The following CERT1 variants were observed in gnomAD, a reference collection of about 807,000 sequenced individuals.
CERT1 encodes the protein ceramide transporter 1, also known as ceramide transfer protein.
CERT1 carries 31 observed loss-of-function variants against 87.9 expected under a neutral mutation model. That is an observed-to-expected ratio of 0.35 (90% CI 0.27 to 0.48). The LOEUF (loss-of-function observed/expected upper bound fraction) is 0.48. Ranked by LOEUF, CERT1 falls within the 20% of genes least tolerant of loss-of-function variation. CERT1 has a pLI of 0.99. For missense variants in CERT1, 487 were observed against 758.0 expected, an observed-to-expected ratio of 0.64 and a Z score of 4.20; for synonymous variants, 289 against 250.9, an observed-to-expected ratio of 1.15 and a Z score of -1.44.
chr5:75,497,588 C>T (rs1767135424), intron 2 of CERT1, among the ~76,000 whole-genome samples: 2 of 151,894 alleles, frequency 1.3e-5, no homozygotes, highest in African/African-American at 2.4e-5. Flanking sequence ...ATCATGGGGG[C>T]GATGGTTTTA....
intron 3 of CERT1, among the ~76,000 whole-genome samples, chr5:75,445,972 G>C (rs544819205): frequency 6.6e-6 from 1 of 152,182 alleles, no homozygotes; most frequent in Non-Finnish European, 1.5e-5. Context: ...TCTTTTGAAA[G>C]TTGATTTTAT....
chr5:75,391,174 C>T (rs1159673362), intron 11 of CERT1, among the ~76,000 whole-genome samples: 1 of 152,136 alleles, frequency 6.6e-6, no homozygotes, highest in Non-Finnish European at 1.5e-5. Context: ...CCAGGCTGGT[C>T]TTGAACTCCT....
intron 3 of CERT1, among the ~76,000 whole-genome samples, chr5:75,447,826 C>T (rs1015916481): frequency 1.9e-4 from 29 of 151,850 alleles, no homozygotes; most frequent in Non-Finnish European, 4.0e-4. Context: ...CCCAGGCTAA[C>T]GTGCAATAAT....
At chr5:75,484,446 G>C (rs1766409083) in intron 2 of CERT1, among the ~76,000 whole-genome samples, 2 of 150,042 alleles carry the variant, frequency 1.3e-5, no homozygotes, top group Admixed American at 1.3e-4. Flanking sequence ...TCAAAAGACA[G>C]AGTGACTGAA....
chr5:75,390,968 AT>A lies in CERT1; in HGVS notation c.1189-1282del, dbSNP rs926547190. On this transcript the variant is annotated intron_variant, in intron 11 of 16. Coordinates refer to ENST00000643780, the MANE Select transcript of CERT1 (RefSeq NM_001379029.1). ...ATATGCCTGTGCCACCATGCCTAAC[AT>A]TTTTTTTTTTTTAAGAGACACGGTC... 2.0e-3 allele frequency among the ~76,000 whole-genome samples: 281 copies of A among 142,276 alleles called. No homozygotes were observed. In the East Asian group the frequency reaches 0.022, roughly 11 times the overall value. 93.3% of individuals were successfully genotyped at this position (142,276 alleles called of 152,430 possible).
intron 3 of CERT1, among the ~76,000 whole-genome samples, chr5:75,448,094 T>C (rs554088905): frequency 6.6e-6 from 1 of 152,338 alleles, no homozygotes; most frequent in Admixed American, 6.5e-5. Flanking sequence ...GTTGCTGTTC[T>C]TGAAAAAATA....
At chr5:75,399,718 TGAAA>T (rs143450406) in intron 10 of CERT1, among the ~76,000 whole-genome samples, 2,255 of 152,260 alleles carry the variant, frequency 0.015, 25 homozygotes, top group Non-Finnish European at 0.022. Context: ...TAAATAAAAA[TGAAA>T]GAACTTTATT....
At chr5:75,380,777 CAAAAAAAAAA>C (rs35083616) in intron 16 of CERT1, among the ~76,000 whole-genome samples, 1 of 53,380 alleles carries the variant, frequency 1.9e-5, no homozygotes, top group Non-Finnish European at 3.6e-5. Context: ...GACTCCATCT[CAAAAAAAAAA>C]AAAAAAAAAA....
chr5:75,441,525 T>C (rs1346466360), intron 3 of CERT1, among the ~76,000 whole-genome samples: 1 of 152,148 alleles, frequency 6.6e-6, no homozygotes, highest in Admixed American at 6.5e-5. Context: ...TCTCCAAAAC[T>C]TTTTCAGCTT....
At chr5:75,464,321 A>G (rs1765364835) in intron 2 of CERT1, among the ~76,000 whole-genome samples, 1 of 151,068 alleles carries the variant, frequency 6.6e-6, no homozygotes, top group African/African-American at 2.5e-5. Flanking sequence ...CTGAAACCCC[A>G]CATGCCCATC....
intron 12 of CERT1, among the ~76,000 whole-genome samples, chr5:75,388,254 T>C (rs1434421765): frequency 1.3e-5 from 2 of 152,174 alleles, no homozygotes; most frequent in African/African-American, 2.4e-5. Context: ...TTTTATCTTA[T>C]GTCTTACTTT....
chr5:75,467,523 C>T (rs1765510326), intron 2 of CERT1, among the ~76,000 whole-genome samples: 1 of 151,928 alleles, frequency 6.6e-6, no homozygotes, highest in Non-Finnish European at 1.5e-5. Flanking sequence ...TGCCTGTAGT[C>T]CCAGCTACTT....
At chr5:75,505,027 C>T (rs915246323) in intron 2 of CERT1, among the ~76,000 whole-genome samples, 12 of 152,176 alleles carry the variant, frequency 7.9e-5, no homozygotes, top group Non-Finnish European at 1.6e-4. Context: ...TGGCTCATGC[C>T]TGTAATCCCA....
intron 12 of CERT1, among the ~76,000 whole-genome samples, chr5:75,389,015 T>C (rs1761925623): frequency 6.6e-6 from 1 of 152,178 alleles, no homozygotes; most frequent in Non-Finnish European, 1.5e-5. Flanking sequence ...TTATTTAGCA[T>C]AGTTCCTTAG....
chr5:75,447,665 A>G (rs1425118452), intron 3 of CERT1, among the ~76,000 whole-genome samples: 2 of 151,530 alleles, frequency 1.3e-5, no homozygotes, highest in African/African-American at 2.4e-5. Flanking sequence ...TAGTAGAGAC[A>G]GGGTTTCACC....
rs150187213 is a variant in CERT1 at position 75,496,000 on chromosome 5, G to C, written c.231+9982C>G. Among the ~76,000 whole-genome samples, 577 of 151,812 alleles carry C rather than the reference G, an allele frequency of 3.8e-3. 1 individual carries two copies. Among genetic ancestry groups the C allele is most frequent in the African/African-American group, 0.014 (562 of 41,432 alleles). On this transcript the variant is annotated intron_variant, in intron 2 of 16. Coordinates refer to ENST00000643780, the MANE Select transcript of CERT1 (RefSeq NM_001379029.1). The stretch of plus-strand genomic sequence containing the variant: ...GTCATCAAAATACACATTCAAATAG[G>C]TCTTAACTGTAGATAAATTTTTAGT...
Position 75,379,150 on chromosome 5 carries a change from T to C in CERT1, c.*196A>G, listed in dbSNP as rs10462517. ...TGAGCCGTGATGGTGTCATTGCACTTCAGCTTAGGAAACAGAGCAAGACCC... is the reference window on the plus strand; with the variant it reads ...TGAGCCGTGATGGTGTCATTGCACTCCAGCTTAGGAAACAGAGCAAGACCC... On this transcript the variant is annotated 3_prime_UTR_variant, in exon 17 of 17. Coordinates refer to ENST00000643780, the MANE Select transcript of CERT1 (RefSeq NM_001379029.1). 131,000 of 523,234 alleles carry C rather than the reference T, an allele frequency of 0.25. 17,741 individuals carry two copies. The highest frequency in any genetic ancestry group is 0.43 in the South Asian group (16,064 of 37,608). The allele number at this position is 523,234 out of a possible 1,614,324, so 32.4% of individuals were successfully genotyped here.
intron 9 of CERT1, chr5:75,400,842 C>T (rs1762442113): frequency 6.6e-6 from 1 of 152,014 alleles, no homozygotes; most frequent in South Asian, 2.1e-4. Context: ...TGCCCTTCTT[C>T]CTCTTTAGTT....
intron 12 of CERT1, among the ~76,000 whole-genome samples, chr5:75,389,353 T>C (rs1761939504): frequency 6.6e-6 from 1 of 152,172 alleles, no homozygotes; most frequent in Admixed American, 6.5e-5. Flanking sequence ...CATGGCCTAG[T>C]CAAAACAGAA....
Sources: gnomAD v4.1 joint callset for allele counts (sites outside exome capture counted in the v4.1 genomes callset) on GRCh38, gnomAD v4.1.1 for gene constraint, MANE v1.5 for transcripts, NCBI Gene and HGNC (gene_info 2026-07-23, HGNC 2026-07-21) for gene names.